ANKRD11: variants seen among roughly 807,000 people sequenced by gnomAD.
ANKRD11 encodes the protein ankyrin repeat domain-containing protein 11.
Under a neutral mutation model 195.7 loss-of-function variants are expected in ANKRD11, and 17 were observed. The ratio of observed to expected loss-of-function variants is 0.09; its 90% CI spans 0.06 to 0.13. The LOEUF is 0.13. Among genes scored for constraint, ANKRD11 ranks in the 10% least tolerant of loss-of-function variants. The pLI is 1.00. For missense variants in ANKRD11, 3,735 were observed against 3,566.1 expected (o/e 1.05, Z -1.21); for synonymous variants, 1,953 against 1,528.1 (o/e 1.28, Z -6.49).
chr16:89,288,346 G>A lies in ANKRD11; in HGVS notation c.744+182C>T. 6.1e-6 allele frequency: 6 copies of A among 990,132 alleles called. No homozygotes were observed. In the South Asian group the frequency reaches 8.2e-5, roughly 14 times the overall value. The allele number at this position is 990,132 out of a possible 1,614,324, so 61.3% of individuals were successfully genotyped here. On this transcript the variant is annotated intron_variant, in intron 7 of 12. Coordinates refer to ENST00000301030, the MANE Select transcript of ANKRD11 (RefSeq NM_013275.6). ...AAACCTGTGAGAGGCCGTCCAGGCTGACCCAGAAGGGGAAAGCTGGGGGCA... is the reference window on the plus strand; with the variant it reads ...AAACCTGTGAGAGGCCGTCCAGGCTAACCCAGAAGGGGAAAGCTGGGGGCA...
intron 2 of ANKRD11, among the ~76,000 whole-genome samples, chr16:89,367,601 C>T (rs1276996703): frequency 6.6e-6 from 1 of 152,192 alleles, no homozygotes; most frequent in Non-Finnish European, 1.5e-5. Context: ...CCTGACAAGT[C>T]CACATTGCTT....
intron 2 of ANKRD11, among the ~76,000 whole-genome samples, chr16:89,375,646 G>A (rs960032522): frequency 1.3e-5 from 2 of 151,882 alleles, no homozygotes; most frequent in African/African-American, 4.8e-5. Flanking sequence ...TAGAGACAGG[G>A]GTTTCACCAT....
intron 7 of ANKRD11, chr16:89,286,596 G>A (rs1232381756): frequency 1.8e-6 from 2 of 1,116,712 alleles, no homozygotes; most frequent in East Asian, 5.8e-5. Flanking sequence ...GCTCAGGCAA[G>A]AGGTTAGGGA....
intron 2 of ANKRD11, among the ~76,000 whole-genome samples, chr16:89,357,104 C>T (rs1018334618): frequency 3.9e-5 from 6 of 152,196 alleles, no homozygotes; most frequent in African/African-American, 1.4e-4. Flanking sequence ...GAGGATGAGT[C>T]TGTAGGAGGG....
At chr16:89,460,745 G>A (rs934384893) in intron 1 of ANKRD11, among the ~76,000 whole-genome samples, 3 of 152,080 alleles carry the variant, frequency 2.0e-5, no homozygotes, top group Non-Finnish European at 4.4e-5. Flanking sequence ...TCAAAAATAA[G>A]TAAACAAAAA....
rs757377027 is a variant in ANKRD11, at chr16:89,284,107, G to C, written c.2435C>G (p.Ser812Cys). 2.0e-5 allele frequency: 33 copies of C among 1,613,810 alleles called. No individual in the cohort carries two copies. Among genetic ancestry groups the C allele is most frequent in the Non-Finnish European group, 2.6e-5 (31 of 1,179,834 alleles). The change falls in exon 9 of 13, where the codon TCT becomes TGT. Residue 812 changes from serine (S) to cysteine (C), a missense_variant. By Grantham distance (112) the Ser-to-Cys change is moderately radical (BLOSUM62 -1). Transcript: ENST00000301030. Reference sequence around the variant, plus strand: ...TTTGTTACAATATTCGTCAAAAGCAGAATCTTCCCTATAAACCTTTTCTTT... The same window carrying C: ...TTTGTTACAATATTCGTCAAAAGCACAATCTTCCCTATAAACCTTTTCTTT... Reference protein sequence around the residue: ...LKKEKVYREDSAFDEYCNKNQ... With the variant: ...LKKEKVYREDCAFDEYCNKNQ...
At position 89,283,408 on chromosome 16, in the gene ANKRD11, T is replaced by A; in HGVS notation, c.3134A>T (p.Lys1045Ile). The change falls in exon 9 of 13, where the codon AAA (lysine) becomes ATA (isoleucine). Residue 1045 changes from lysine (K) to isoleucine (I), a missense_variant. Transcript: ENST00000301030. This position sits in a 1 kb window ranked among gnomAD's most constrained non-coding sequence, Gnocchi z 4.3. ...ATCAAATTCTTTGTCCTTCTGACAT[T>A]TTTCCAGGATTGATTTCTCACTTTT... ...KDKSEKSILE[K>I]CQKDKEFDKC... The A allele has an allele frequency of 6.2e-7, 1 of 1,614,138 alleles. No homozygotes were observed. Among genetic ancestry groups the A allele is most frequent in the South Asian group, 1.1e-5 (1 of 91,086 alleles).
chr16:89,331,064 C>A (rs989381678), intron 2 of ANKRD11, among the ~76,000 whole-genome samples: 4 of 152,180 alleles, frequency 2.6e-5, no homozygotes, highest in African/African-American at 9.7e-5. Flanking sequence ...AGCAATTCTC[C>A]TGCCTCAGCC....
At chr16:89,355,228 G>GGGAGGGC (rs1449317026) in intron 2 of ANKRD11, among the ~76,000 whole-genome samples, 5 of 151,678 alleles carry the variant, frequency 3.3e-5, no homozygotes, top group Non-Finnish European at 7.4e-5. Flanking sequence ...GGCTCACGGA[G>GGGAGGGC]GGAGGGCGGA....
At chr16:89,326,385 C>G (rs937475295) in intron 2 of ANKRD11, among the ~76,000 whole-genome samples, 4 of 151,770 alleles carry the variant, frequency 2.6e-5, no homozygotes, top group Non-Finnish European at 5.9e-5. Flanking sequence ...ACCGCCCCCC[C>G]CACCCCGCTG....
At chr16:89,352,657 A>C (rs2039276841) in intron 2 of ANKRD11, among the ~76,000 whole-genome samples, 1 of 152,202 alleles carries the variant, frequency 6.6e-6, no homozygotes, top group African/African-American at 2.4e-5. Flanking sequence ...ACTCATCAGC[A>C]CCAAAGTGTT....
Position 89,281,292 on chromosome 16 carries a change from G to C in ANKRD11, c.5250C>G (p.Thr1750=), listed in dbSNP as rs202126162. The change falls in exon 9 of 13, where the codon ACC becomes ACG. Residue 1750 remains threonine (T), a synonymous_variant. Coordinates refer to ENST00000301030, the MANE Select transcript of ANKRD11 (RefSeq NM_013275.6). This position sits in a 1 kb window ranked among gnomAD's most constrained non-coding sequence, Gnocchi z 5.5. The part of the protein sequence containing the change: ...ADSQHSTPVP[T]APTSACSPSF... Reference sequence around the variant, plus strand: ...AGGGGGAGCAGGCGCTGGTGGGAGCGGTGGGCACGGGCGTGGAGTGCTGCG... The same window carrying C: ...AGGGGGAGCAGGCGCTGGTGGGAGCCGTGGGCACGGGCGTGGAGTGCTGCG... 1 of 1,614,212 alleles carries C rather than the reference G, an allele frequency of 6.2e-7. No homozygotes were observed. The highest frequency in any genetic ancestry group is 8.5e-7 in the Non-Finnish European group (1 of 1,180,036).
intron 2 of ANKRD11, among the ~76,000 whole-genome samples, chr16:89,394,093 C>T (rs1016740907): frequency 6.6e-6 from 1 of 152,128 alleles, no homozygotes; most frequent in Non-Finnish European, 1.5e-5. Flanking sequence ...CCTGGAGACT[C>T]CACCCATCAC....
chr16:89,381,714 C>A (rs1448173888), intron 2 of ANKRD11, among the ~76,000 whole-genome samples: 2 of 152,204 alleles, frequency 1.3e-5, no homozygotes, highest in African/African-American at 4.8e-5. Context: ...CTGCTACTCA[C>A]ATTCAGACTG....
chr16:89,409,408 C>T (rs139128583), intron 2 of ANKRD11, among the ~76,000 whole-genome samples: 12 of 152,338 alleles, frequency 7.9e-5, no homozygotes, highest in South Asian at 2.1e-4. Flanking sequence ...ATTCTTCCTC[C>T]GTGGGTTGCA....
chr16:89,281,938 T>C lies in ANKRD11; in HGVS notation c.4604A>G (p.Lys1535Arg), dbSNP rs954153167. The stretch of plus-strand genomic sequence containing the variant: ...GCCCTTTTCTTTCTCTGCACCGTCC[T>C]TGAATTTCTCCTTCAGTTTGGCATC... Reference protein sequence around the residue: ...LGDAKLKEKFKDGAEKEKGDP... With the variant: ...LGDAKLKEKFRDGAEKEKGDP... The change falls in exon 9 of 13, where the codon AAG becomes AGG. Residue 1535 changes from lysine to arginine, a missense_variant. Physicochemically the swap from Lys to Arg is conservative, Grantham distance 26. Transcript: ENST00000301030. This position sits in a 1 kb window ranked among gnomAD's most constrained non-coding sequence, Gnocchi z 5.5. The C allele has an allele frequency of 6.2e-7, 1 of 1,613,032 alleles. No homozygotes were observed. The highest frequency in any genetic ancestry group is 1.3e-5 in the African/African-American group (1 of 75,060).
intron 2 of ANKRD11, among the ~76,000 whole-genome samples, chr16:89,415,281 TTGA>T (rs2042250838): frequency 9.5e-6 from 1 of 105,020 alleles, no homozygotes; most frequent in African/African-American, 3.6e-5. Flanking sequence ...TTTTTTTTTT[TTGA>T]GATGGAGTCT....
intron 2 of ANKRD11, among the ~76,000 whole-genome samples, chr16:89,354,632 A>G (rs1247562329): frequency 1.3e-5 from 2 of 152,222 alleles, no homozygotes; most frequent in Non-Finnish European, 2.9e-5. Context: ...TTGTAATCCC[A>G]GCACTTTGGG....
Position 89,302,354 on chromosome 16 carries a change from G to C in ANKRD11, c.226+2852C>G, listed in dbSNP as rs953071993. The stretch of plus-strand genomic sequence containing the variant: ...TGCAACCTCCACCTATTGGGTTCAC[G>C]CAATTCTCCTGCCTCAGCCTCCCGA... On this transcript the variant is annotated intron_variant, in intron 4 of 12. Coordinates refer to ENST00000301030, the MANE Select transcript of ANKRD11 (RefSeq NM_013275.6). Among the ~76,000 whole-genome samples, 7 of 152,308 alleles carry C rather than the reference G, an allele frequency of 4.6e-5. No individual in the cohort carries two copies. The South Asian group carries it at 1.5e-3, about 32-fold the overall frequency.
Sources: gnomAD v4.1 joint callset for allele counts (sites outside exome capture counted in the v4.1 genomes callset) on GRCh38, gnomAD v4.1.1 for gene constraint, Gnocchi (gnomAD v3.1) non-coding constraint, MANE v1.5 for transcripts, NCBI Gene and HGNC (gene_info 2026-07-23, HGNC 2026-07-21) for gene names.